APPBP2: variants seen among roughly 807,000 people sequenced by gnomAD.
APPBP2 encodes amyloid beta precursor protein binding protein 2.
In APPBP2, 15 loss-of-function variants were observed where a neutral mutation model predicts 76.0. The ratio of observed to expected loss-of-function variants is 0.20; its 90% CI spans 0.13 to 0.30. The LOEUF is 0.30. APPBP2 is among the 10% of genes least tolerant of loss of function. The pLI is 1.00. For synonymous variants in APPBP2, 222 were observed against 242.2 expected (o/e 0.92, Z 0.77); for missense variants, 401 against 687.2 (o/e 0.58, Z 4.66).
intron 4 of APPBP2, among the ~76,000 whole-genome samples, chr17:60,473,609 G>GT (rs2090568872): frequency 6.6e-6 from 1 of 152,146 alleles, no homozygotes; most frequent in Admixed American, 6.5e-5. Context: ...GAGCCCAGGA[G>GT]TTTGAGACCA....
intron 3 of APPBP2, 102 bp from the exon 4 acceptor site, chr17:60,479,373 T>C (rs2090613658): frequency 7.3e-6 from 9 of 1,233,236 alleles, no homozygotes; most frequent in Non-Finnish European, 8.8e-6. Context: ...AAATAAACCA[T>C]GATAGTAAAA....
In APPBP2 at chr17:60,461,837, A is replaced by G; in HGVS notation, c.909T>C (p.Asn303=). The change falls in exon 8 of 13, where the codon AAT becomes AAC. Residue 303 remains asparagine, a synonymous_variant. Coordinates refer to ENST00000083182, the MANE Select transcript of APPBP2 (RefSeq NM_006380.5). ...DYGFYLLNVD[N]ICQSVAIYQA... ...GATAAATTGCAACAGACTGACAGAT[A>G]TTATCTACATTGAGTAAGTAGAACC... 6.2e-7 allele frequency: 1 copy of G among 1,610,092 alleles called. No individual in the cohort carries two copies. The highest frequency in any genetic ancestry group is 8.5e-7 in the Non-Finnish European group (1 of 1,178,598).
chr17:60,454,458 A>G lies in APPBP2; in HGVS notation c.1182T>C (p.His394=), dbSNP rs34357409. ...GCAGCCTCTGTTCAGTTTCCTTATT[A>G]TGACAATCAATTGCAATCTCCTCTA... ...LILEEIAIDC[H]NKETEQRLLQ... Residue 394 remains histidine, a synonymous_variant, in exon 11 of 13, where the codon CAT becomes CAC. Coordinates refer to ENST00000083182, the MANE Select transcript of APPBP2 (RefSeq NM_006380.5). 2,212 of 1,605,006 alleles carry G rather than the reference A, an allele frequency of 1.4e-3. 20 individuals carry two copies. The Middle Eastern group carries it at 0.024, about 17-fold the overall frequency.
At position 60,491,413 on chromosome 17, in the gene APPBP2, A is replaced by T. The variant is rs1377618325; in HGVS notation, c.379+3053T>A. ...TGCTGTTAAAAGCATTGTCTCATTT[A>T]TTTTTATTTTTTTATTTTTATTTTT... On this transcript the variant is annotated intron_variant, in intron 3 of 12. Transcript: ENST00000083182. Among the ~76,000 whole-genome samples the T allele has an allele frequency of 7.2e-5, 11 of 152,066 alleles. No individual in the cohort carries two copies. The East Asian group carries it at 2.1e-3, about 29-fold the overall frequency.
intron 1 of APPBP2, among the ~76,000 whole-genome samples, chr17:60,524,895 T>A (rs1404079559): frequency 2.6e-5 from 4 of 152,194 alleles, no homozygotes; most frequent in Non-Finnish European, 5.9e-5. Flanking sequence ...AATCCAGTGT[T>A]CACATTCAAA....
intron 1 of APPBP2, 127 bp downstream of exon 1, chr17:60,525,667 C>G: frequency 7.0e-7 from 1 of 1,422,618 alleles, no homozygotes; most frequent in South Asian, 1.3e-5. Context: ...GACACCGCAC[C>G]AGACGTTTCG....
At chr17:60,461,702 G>T in intron 8 of APPBP2, 108 bp downstream of exon 8, 2 of 703,420 alleles carry the variant, frequency 2.8e-6, no homozygotes, top group South Asian at 3.9e-5. Context: ...ATTGGTGGGC[G>T]GGGTAGTTGT....
chr17:60,459,261 C>T (rs567565257), intron 9 of APPBP2, among the ~76,000 whole-genome samples: 4 of 152,236 alleles, frequency 2.6e-5, no homozygotes, highest in East Asian at 1.9e-4. Context: ...CATTTTCTCT[C>T]ACAAGGCATC....
Position 60,447,833 on chromosome 17 carries a change from C to T in APPBP2, c.1506G>A (p.Gly502=). 1 of 1,554,248 alleles carries T rather than the reference C, an allele frequency of 6.4e-7. No individual in the cohort carries two copies. Among genetic ancestry groups the T allele is most frequent in the Non-Finnish European group, 8.7e-7 (1 of 1,153,404 alleles). ...TGTAGCCCTCACCAAAAAGTTTCTT[C>T]CCTGTAACAAAAAAGAAAAAGGAAA... ...EKLYLRSIAI[G]KKLFGEGYSG... The change falls in exon 13 of 13, where the codon GGG becomes GGA. Residue 502 remains glycine (G), a splice_region_variant and synonymous_variant. Transcript: ENST00000083182.
intron 4 of APPBP2, among the ~76,000 whole-genome samples, chr17:60,475,165 G>C (rs900335186): frequency 6.6e-6 from 1 of 152,142 alleles, no homozygotes; most frequent in Admixed American, 6.5e-5. Context: ...GGGAGGTGGA[G>C]CTTGCAGTGA....
chr17:60,514,018 A>C (rs577137815), intron 1 of APPBP2, among the ~76,000 whole-genome samples: 42 of 147,664 alleles, frequency 2.8e-4, no homozygotes, highest in Middle Eastern at 3.4e-3. Context: ...AAAAAAAAAA[A>C]ACACAGCCAG....
chr17:60,452,601 T>G (rs1302272902), intron 11 of APPBP2, among the ~76,000 whole-genome samples: 1 of 152,208 alleles, frequency 6.6e-6, no homozygotes, highest in African/African-American at 2.4e-5. Context: ...ACTCTTTACT[T>G]ACTGTGATCC....
At chr17:60,513,576 T>C (rs1173726234) in intron 1 of APPBP2, 1 of 425,848 alleles carries the variant, frequency 2.3e-6, no homozygotes, top group African/African-American at 2.1e-5. Context: ...CATTTTTATT[T>C]TGAGGGCGGG....
intron 3 of APPBP2, among the ~76,000 whole-genome samples, chr17:60,484,977 T>C (rs1280660217): frequency 6.6e-6 from 1 of 152,164 alleles, no homozygotes; most frequent in Non-Finnish European, 1.5e-5. Context: ...GTGGTTTTTG[T>C]CTTTGGTTCT....
intron 1 of APPBP2, among the ~76,000 whole-genome samples, chr17:60,514,994 G>T (rs150858860): frequency 1.3e-5 from 2 of 151,726 alleles, no homozygotes; most frequent in Non-Finnish European, 2.9e-5. Flanking sequence ...AGTAGAGACG[G>T]GGTTTCACTA....
intron 1 of APPBP2, among the ~76,000 whole-genome samples, chr17:60,511,811 C>G (rs1427843531): frequency 6.6e-6 from 1 of 152,066 alleles, no homozygotes; most frequent in Non-Finnish European, 1.5e-5. Flanking sequence ...CTTTCCAGTT[C>G]TCCTTTTCTT....
At chr17:60,451,767 C>T in intron 12 of APPBP2, 113 bp downstream of exon 12, 3 of 952,430 alleles carry the variant, frequency 3.1e-6, no homozygotes, top group Non-Finnish European at 4.6e-6. Flanking sequence ...GTATGAGCCA[C>T]CGCACCCAGC....
intron 1 of APPBP2, among the ~76,000 whole-genome samples, chr17:60,518,358 C>CGTGCGTGTGTGT (rs1437394999): frequency 1.1e-5 from 1 of 89,072 alleles, no homozygotes; most frequent in East Asian, 3.1e-4. Context: ...TGTGTGCGTG[C>CGTGCGTGTGTGT]GTGTGTGTGT....
At chr17:60,513,034 C>T (rs2090930128) in intron 1 of APPBP2, among the ~76,000 whole-genome samples, 1 of 148,596 alleles carries the variant, frequency 6.7e-6, no homozygotes, top group Admixed American at 6.8e-5. Flanking sequence ...CGTGAGACAG[C>T]GCTATTCCGT....
Sources: gnomAD v4.1 joint callset for allele counts (sites outside exome capture counted in the v4.1 genomes callset) on GRCh38, gnomAD v4.1.1 for gene constraint, MANE v1.5 for transcripts, NCBI Gene and HGNC (gene_info 2026-07-23, HGNC 2026-07-21) for gene names.